Variants in TMEM33 observed in about 807,000 individuals in gnomAD.
The protein encoded by TMEM33 is transmembrane protein 33.
TMEM33 carries 16 observed loss-of-function variants against 29.7 expected under a neutral mutation model. The ratio of observed to expected loss-of-function variants is 0.54; its 90% CI spans 0.36 to 0.82. TMEM33 has a LOEUF of 0.82. Ranked by LOEUF, TMEM33 falls within the 40% of genes least tolerant of loss-of-function variation. The probability of loss-of-function intolerance (pLI) is 0.00; values close to 1 mark genes in which losing one functional copy is unlikely to be tolerated. For missense variants in TMEM33, 252 were observed against 295.3 expected (o/e 0.85, Z 1.08); for synonymous variants, 112 against 109.4 (o/e 1.02, Z -0.15).
Position 41,959,835 on chromosome 4 carries a change from A to G in TMEM33, c.*5636A>G, listed in dbSNP as rs1256348728. 6.6e-6 allele frequency: 1 copy of G among 152,192 alleles called. No individual in the cohort carries two copies. Among genetic ancestry groups the G allele is most frequent in the Non-Finnish European group, 1.5e-5 (1 of 68,024 alleles). The allele number at this position is 152,192 out of a possible 1,614,324, so 9.4% of individuals were successfully genotyped here. A position where few individuals can be genotyped will look rare whatever the true frequency, so the allele number is the denominator to read the frequency against. On this transcript the variant is annotated 3_prime_UTR_variant, in exon 7 of 7. Coordinates refer to ENST00000504986, the MANE Select transcript of TMEM33 (RefSeq NM_018126.3). ...AGAGTCATAAAAAATGGCTTGATTT[A>G]TAAAGGCATTACTTTTGGTGCTTTA... is the stretch of plus-strand genomic sequence containing the variant.
rs1205996522 is a variant in TMEM33 at position 41,959,225 on chromosome 4, G to C, written c.*5026G>C. 6.6e-6 allele frequency: 1 copy of C among 152,178 alleles called. No individual in the cohort carries two copies. The highest frequency in any genetic ancestry group is 1.5e-5 in the Non-Finnish European group (1 of 68,040). 9.4% of individuals were successfully genotyped at this position (152,178 alleles called of 1,614,324 possible). A position where few individuals can be genotyped will look rare whatever the true frequency, so the allele number is the denominator to read the frequency against. Reference sequence around the variant, plus strand: ...ATCTGCTGTTAAGGAGAACAAAGGAGCTTCTAAAGGTTTGGGAGGTTTACT... The same window carrying C: ...ATCTGCTGTTAAGGAGAACAAAGGACCTTCTAAAGGTTTGGGAGGTTTACT... On this transcript the variant is annotated 3_prime_UTR_variant, in exon 7 of 7. Transcript: ENST00000504986.
intron 6 of TMEM33, among the ~76,000 whole-genome samples, chr4:41,952,604 C>T (rs896213578): frequency 6.6e-6 from 1 of 152,062 alleles, no homozygotes; most frequent in Middle Eastern, 3.2e-3. Flanking sequence ...GTTTTGGGCA[C>T]AAACATGCAA....
chr4:41,937,743 C>T (rs1046182904), intron 1 of TMEM33, among the ~76,000 whole-genome samples: 2 of 151,872 alleles, frequency 1.3e-5, no homozygotes, highest in Non-Finnish European at 2.9e-5. Context: ...GTAAAAGCCA[C>T]TTTTGAATAT....
At position 41,955,918 on chromosome 4, in the gene TMEM33, A is replaced by G. The variant is rs1478297546; in HGVS notation, c.*1719A>G. The G allele has an allele frequency of 6.6e-6, 1 of 152,616 alleles. No individual in the cohort carries two copies. The highest frequency in any genetic ancestry group is 1.5e-5 in the Non-Finnish European group (1 of 68,026). 9.5% of individuals were successfully genotyped at this position (152,616 alleles called of 1,614,324 possible). On this transcript the variant is annotated 3_prime_UTR_variant, in exon 7 of 7. Transcript: ENST00000504986. Reference sequence around the variant, plus strand: ...TTTGAAGCTGTTAGTTTTTTCCTATAATTTAAAAAGATCTTTTAGATTTAT... The same window carrying G: ...TTTGAAGCTGTTAGTTTTTTCCTATGATTTAAAAAGATCTTTTAGATTTAT...
chr4:41,951,491 G>A lies in TMEM33; in HGVS notation c.614+2106G>A, dbSNP rs1713038260. Among the ~76,000 whole-genome samples, 5 of 152,212 alleles carry A rather than the reference G, an allele frequency of 3.3e-5. No homozygotes were observed. The South Asian group carries it at 1.0e-3, about 32-fold the overall frequency. ...TGACTTGGTCTGTGCCAGCGATGCA[G>A]CCAGTAATAAAAGAACTATGTGACT... On this transcript the variant is annotated intron_variant, in intron 6 of 6. Coordinates refer to ENST00000504986, the MANE Select transcript of TMEM33 (RefSeq NM_018126.3).
chr4:41,944,850 A>G lies in TMEM33; in HGVS notation c.454A>G (p.Asn152Asp). The G allele has an allele frequency of 6.2e-7, 1 of 1,613,580 alleles. No homozygotes were observed. Among genetic ancestry groups the G allele is most frequent in the Non-Finnish European group, 8.5e-7 (1 of 1,179,822 alleles). ...ATCTGTCTTGGACAAATTAAGTGCT[A>G]ATCAACAAAATATTCTGAAATTCAT... Reference protein sequence around the residue: ...LRSVLDKLSANQQNILKFIAC... With the variant: ...LRSVLDKLSADQQNILKFIAC... Residue 152 changes from asparagine to aspartate, a missense_variant, in exon 5 of 7, where the codon AAT becomes GAT. Asn to Asp is a conservative substitution (Grantham distance 23). Coordinates refer to ENST00000504986, the MANE Select transcript of TMEM33 (RefSeq NM_018126.3).
intron 4 of TMEM33, chr4:41,944,140 T>G (rs1712674471): frequency 3.5e-6 from 1 of 283,500 alleles, no homozygotes; most frequent in African/African-American, 2.3e-5. Flanking sequence ...TGTCAGTGTT[T>G]AATTCTGGCA....
At chr4:41,937,939 A>G (rs2153126349) in intron 1 of TMEM33, among the ~76,000 whole-genome samples, 1 of 152,282 alleles carries the variant, frequency 6.6e-6, no homozygotes, top group Middle Eastern at 3.4e-3. Flanking sequence ...CATGGAGGTG[A>G]TAAAGAGAGT....
Position 41,953,439 on chromosome 4 carries a change from C to G in TMEM33, c.615-631C>G, listed in dbSNP as rs529991038. ...CTGTTCTGCTTTCTTATCATTCATC[C>G]GTTCACAGAAATGGGCTTTTAATTT... On this transcript the variant is annotated intron_variant, in intron 6 of 6. Coordinates refer to ENST00000504986, the MANE Select transcript of TMEM33 (RefSeq NM_018126.3). Among the ~76,000 whole-genome samples, 45 of 152,356 alleles carry G rather than the reference C, an allele frequency of 3.0e-4. No homozygotes were observed. The South Asian group carries it at 9.1e-3, about 31-fold the overall frequency.
At chr4:41,940,016 G>C (rs1260520969) in intron 3 of TMEM33, among the ~76,000 whole-genome samples, 8 of 149,174 alleles carry the variant, frequency 5.4e-5, no homozygotes, top group Non-Finnish European at 1.0e-4. Context: ...ATGGGGAAGA[G>C]GTTCTATAGT....
At chr4:41,943,448 C>T (rs1476073069) in intron 3 of TMEM33, among the ~76,000 whole-genome samples, 1 of 151,900 alleles carries the variant, frequency 6.6e-6, no homozygotes, top group Non-Finnish European at 1.5e-5. Flanking sequence ...TCACTTGAAC[C>T]CAGGAGGTGG....
upstream of TMEM33, chr4:41,935,391 C>A: frequency 7.3e-7 from 1 of 1,369,386 alleles, no homozygotes; most frequent in Non-Finnish European, 1.0e-6. Context: ...GGCAGGGAAG[C>A]CGGTACCCGG....
rs1713366594 is a variant in TMEM33 at position 41,958,726 on chromosome 4, T to TTTTA, written c.*4527_*4528insTTTA. 7.0e-6 allele frequency: 1 copy of TTTTA among 142,530 alleles called. No homozygotes were observed. The highest frequency in any genetic ancestry group is 2.8e-5 in the African/African-American group (1 of 36,092). 8.8% of individuals were successfully genotyped at this position (142,530 alleles called of 1,614,324 possible). ...TTTTTTTTTTTTTTTTTTTTTTTTT[T>TTTTA]GAGACAGATTCTCACTCAGTTGCCC... On this transcript the variant is annotated 3_prime_UTR_variant, in exon 7 of 7. Coordinates refer to ENST00000504986, the MANE Select transcript of TMEM33 (RefSeq NM_018126.3).
At chr4:41,937,227 G>A (rs954183306) in intron 1 of TMEM33, among the ~76,000 whole-genome samples, 5 of 152,184 alleles carry the variant, frequency 3.3e-5, no homozygotes, top group Non-Finnish European at 5.9e-5. Flanking sequence ...ATTTTAAGGA[G>A]AATGTTCTAA....
rs1713170870 is a variant in TMEM33, at chr4:41,954,346, T to C, written c.*147T>C. On this transcript the variant is annotated 3_prime_UTR_variant, in exon 7 of 7. Transcript: ENST00000504986. Reference sequence around the variant, plus strand: ...TGCATCTCGGTGGAAAAATAATCATTTTCTTGGCATGTTAAATCAAGCTTA... The same window carrying C: ...TGCATCTCGGTGGAAAAATAATCATCTTCTTGGCATGTTAAATCAAGCTTA... 1.1e-6 allele frequency: 1 copy of C among 936,620 alleles called. No individual in the cohort carries two copies. The highest frequency in any genetic ancestry group is 1.5e-6 in the Non-Finnish European group (1 of 663,856). 58.0% of individuals were successfully genotyped at this position (936,620 alleles called of 1,614,324 possible).
At chr4:41,941,880 A>G (rs1325643465) in intron 3 of TMEM33, among the ~76,000 whole-genome samples, 2 of 152,184 alleles carry the variant, frequency 1.3e-5, no homozygotes, top group East Asian at 1.9e-4. Context: ...TTCTAAATAC[A>G]TTGTATTAAT....
At chr4:41,947,921 AT>A (rs1712865547) in intron 5 of TMEM33, among the ~76,000 whole-genome samples, 1 of 152,182 alleles carries the variant, frequency 6.6e-6, no homozygotes, top group South Asian at 2.1e-4. Context: ...TTTTCTTCTA[AT>A]TGACTGGAGC....
Position 41,939,304 on chromosome 4 carries a change from C to T in TMEM33, c.249C>T (p.Phe83=), listed in dbSNP as rs563473940. Residue 83 remains phenylalanine (F), a synonymous_variant, in exon 3 of 7, where the codon TTC becomes TTT. Coordinates refer to ENST00000504986, the MANE Select transcript of TMEM33 (RefSeq NM_018126.3). ...CACACTTCCAGTTAAGCAGAGCATT[C>T]CTGGCCCAGGCTTTGTTAGAGGACA... ...RLPHFQLSRA[F]LAQALLEDSC... is the part of the protein sequence containing the mutation. The T allele has an allele frequency of 1.9e-6, 3 of 1,614,008 alleles. No individual in the cohort carries two copies. Among genetic ancestry groups the T allele is most frequent in the Non-Finnish European group, 2.5e-6 (3 of 1,179,956 alleles).
At chr4:41,953,387 G>T (rs936363550) in intron 6 of TMEM33, among the ~76,000 whole-genome samples, 2 of 152,194 alleles carry the variant, frequency 1.3e-5, no homozygotes, top group African/African-American at 4.8e-5. Flanking sequence ...TGCTAAGTGC[G>T]CAATAGCATT....
Sources: allele counts gnomAD v4.1 joint callset (sites outside exome capture counted in the v4.1 genomes callset), GRCh38; gene constraint gnomAD v4.1.1; transcripts MANE v1.5; gene names NCBI Gene and HGNC (gene_info 2026-07-23, HGNC 2026-07-21).